RAB3IL1: variants seen among roughly 807,000 people sequenced by gnomAD.
RAB3IL1 encodes the protein guanine nucleotide exchange factor for Rab-3A.
A neutral mutation model predicts 49.2 loss-of-function variants in RAB3IL1; 37 were observed. The observed-to-expected ratio is 0.75, with a 90% CI of 0.58 to 0.99. The LOEUF is 0.99. Among genes scored for constraint, RAB3IL1 ranks in the 50% least tolerant of loss-of-function variants. The pLI, the probability that RAB3IL1 is intolerant of heterozygous loss-of-function variation, is 0.00. For synonymous variants in RAB3IL1, 193 were observed against 213.9 expected (o/e 0.90, Z 0.85); for missense variants, 484 against 513.0 (o/e 0.94, Z 0.55).
At chr11:61,926,104 CAAAAAAAAAAAA>C in the RAB3IL1 span, among the ~76,000 whole-genome samples, 7 of 64,064 alleles carry the variant, frequency 1.1e-4, no homozygotes, top group East Asian at 9.8e-4. Context: ...TCCTTCCTGC[CAAAAAAAAAAAA>C]AAAAAAAAAA....
At chr11:61,917,696 C>T (rs936794519), upstream of RAB3IL1, 10 of 460,316 alleles carry the variant, frequency 2.2e-5, no homozygotes, top group African/African-American at 6.4e-5. Flanking sequence ...AGGGAGACCA[C>T]GGCGCTCGGA....
Sources: gnomAD v4.1 joint callset for allele counts (sites outside exome capture counted in the v4.1 genomes callset) on GRCh38, gnomAD v4.1.1 for gene constraint, MANE v1.5 for transcripts, NCBI Gene and HGNC (gene_info 2026-07-23, HGNC 2026-07-21) for gene names.